The following SORBS2 variants were observed in gnomAD, a reference collection of about 807,000 sequenced individuals.
SORBS2 encodes sorbin and SH3 domain containing 2.
Under a neutral mutation model 97.7 loss-of-function variants are expected in SORBS2, and 46 were observed. The ratio of observed to expected loss-of-function variants is 0.47; its 90% CI spans 0.37 to 0.60. The LOEUF is 0.60. Ranked by LOEUF, SORBS2 falls within the 20% of genes least tolerant of loss-of-function variation. The pLI is 0.00. For missense variants in SORBS2, 1,316 were observed against 1,282.3 expected (o/e 1.03, Z -0.40); for synonymous variants, 476 against 473.4 (o/e 1.01, Z -0.07).
At chr4:185,637,435 C>T (rs2097031782) in intron 4 of SORBS2, among the ~76,000 whole-genome samples, 1 of 152,236 alleles carries the variant, frequency 6.6e-6, no homozygotes. Context: ...ACACATTTCT[C>T]AGAACCCGTC....
chr4:185,776,123 A>G (rs2098998677), intron 1 of SORBS2, among the ~76,000 whole-genome samples: 1 of 152,228 alleles, frequency 6.6e-6, no homozygotes, highest in Non-Finnish European at 1.5e-5. Context: ...TCATTCATTC[A>G]GCAAATATTT....
chr4:185,631,642 A>G (rs1423930459), intron 4 of SORBS2, among the ~76,000 whole-genome samples: 1 of 152,154 alleles, frequency 6.6e-6, no homozygotes, highest in Non-Finnish European at 1.5e-5. Flanking sequence ...CATTCCTGTT[A>G]TCCCAGCCAC....
chr4:185,819,061 T>G (rs1221411788), intron 1 of SORBS2, among the ~76,000 whole-genome samples: 1 of 152,206 alleles, frequency 6.6e-6, no homozygotes, highest in African/African-American at 2.4e-5. Context: ...ACTCAAGTTG[T>G]GTTTCAATTT....
chr4:185,814,019 T>C (rs568117883), intron 1 of SORBS2, among the ~76,000 whole-genome samples: 5 of 152,306 alleles, frequency 3.3e-5, no homozygotes, highest in Non-Finnish European at 7.4e-5. Flanking sequence ...TAGGGACTGA[T>C]GACTGGCTGG....
intron 4 of SORBS2, among the ~76,000 whole-genome samples, chr4:185,673,043 AG>A (rs1303157402): frequency 2.0e-5 from 3 of 152,250 alleles, no homozygotes; most frequent in African/African-American, 7.2e-5. Flanking sequence ...GCCTTAAAAA[AG>A]ATGGATGTCC....
intron 1 of SORBS2, among the ~76,000 whole-genome samples, chr4:185,843,115 G>A (rs1444851048): frequency 6.6e-6 from 1 of 151,996 alleles, no homozygotes; most frequent in African/African-American, 2.4e-5. Context: ...AGAAAGAACA[G>A]AGCACTGAGT....
intron 2 of SORBS2, among the ~76,000 whole-genome samples, chr4:185,753,884 C>G (rs1437132158): frequency 6.6e-6 from 1 of 152,170 alleles, no homozygotes; most frequent in Non-Finnish European, 1.5e-5. Context: ...TTGTGGAAAG[C>G]ATTTGGTGAT....
intron 1 of SORBS2, among the ~76,000 whole-genome samples, chr4:185,908,277 C>CTATATATATATATA (rs66526913): frequency 1.1e-5 from 1 of 89,574 alleles, no homozygotes; most frequent in Non-Finnish European, 2.1e-5. Context: ...CATGCAAAGG[C>CTATATATATATATA]TATATATATA....
rs573337856 is a variant in SORBS2, at chr4:185,839,636, G to T, written c.-337-64270C>A. 4.6e-5 allele frequency among the ~76,000 whole-genome samples: 7 copies of T among 152,298 alleles called. No homozygotes were observed. The South Asian group carries it at 1.5e-3, about 32-fold the overall frequency. ...TGTAATTTGTTTATAGTGCTGTAAA[G>T]AGTTGTTTTTCGATGGGACTGTCTT... is the stretch of plus-strand genomic sequence containing the variant. On this transcript the variant is annotated intron_variant, in intron 1 of 20. Transcript: ENST00000284776.
At chr4:185,773,191 A>G (rs2153626982) in intron 2 of SORBS2, 1 of 152,330 alleles carries the variant, frequency 6.6e-6, no homozygotes, top group East Asian at 1.9e-4. Flanking sequence ...ATATATTTGC[A>G]CTCAGCCCTG....
chr4:185,779,400 G>A (rs949478792), intron 1 of SORBS2, among the ~76,000 whole-genome samples: 1 of 152,162 alleles, frequency 6.6e-6, no homozygotes, highest in South Asian at 2.1e-4. Flanking sequence ...TTATATGAAT[G>A]TTGGTTAAAT....
At chr4:185,852,480 G>C (rs2099218462) in intron 1 of SORBS2, among the ~76,000 whole-genome samples, 1 of 152,172 alleles carries the variant, frequency 6.6e-6, no homozygotes, top group Non-Finnish European at 1.5e-5. Flanking sequence ...ATATTCATGG[G>C]AACATTTTAA....
chr4:185,653,571 A>G (rs2097348317), intron 1 of SORBS2, among the ~76,000 whole-genome samples: 2 of 152,212 alleles, frequency 1.3e-5, no homozygotes, highest in Non-Finnish European at 2.9e-5. Flanking sequence ...ACATAATTAT[A>G]TCTAAATCAT....
chr4:185,637,955 T>A, intron 4 of SORBS2, 124 bp downstream of exon 15: 1 of 683,744 alleles, frequency 1.5e-6, no homozygotes, highest in Non-Finnish European at 2.6e-6. Context: ...GTACCAAGTG[T>A]GTGTATACAT....
Position 185,639,055 on chromosome 4 carries a change from A to G in SORBS2, c.396+7613T>C, listed in dbSNP as rs1422832166. The G allele has an allele frequency of 6.6e-7, 1 of 1,504,366 alleles. No individual in the cohort carries two copies. The highest frequency in any genetic ancestry group is 1.4e-5 in the African/African-American group (1 of 69,294). The allele number at this position is 1,504,366 out of a possible 1,614,324, so 93.2% of individuals were successfully genotyped here. On this transcript the variant is annotated intron_variant, in intron 4 of 14. Coordinates refer to ENST00000418609, the Ensembl canonical transcript of SORBS2. The stretch of plus-strand genomic sequence containing the variant: ...AGGGGGCTGCAAGAAAGAGGGGTGC[A>G]GAAACTGGTTCATTAGATGGAGGCT...
chr4:185,868,473 A>G (rs992947660), intron 1 of SORBS2, among the ~76,000 whole-genome samples: 2 of 152,008 alleles, frequency 1.3e-5, no homozygotes, highest in Non-Finnish European at 2.9e-5. Context: ...TCTACTTTCT[A>G]AAAGACACCC....
At chr4:185,669,427 C>T (rs966258258) in intron 4 of SORBS2, among the ~76,000 whole-genome samples, 1 of 152,170 alleles carries the variant, frequency 6.6e-6, no homozygotes, top group Admixed American at 6.5e-5. Context: ...TTAGTTCGCT[C>T]ATAAGCTCAG....
chr4:185,752,339 G>A (rs906556599), intron 2 of SORBS2, among the ~76,000 whole-genome samples: 1 of 152,080 alleles, frequency 6.6e-6, no homozygotes, highest in Admixed American at 6.5e-5. Flanking sequence ...GCAGTGGCAC[G>A]ATCTTGGCTC....
chr4:185,715,855 T>C (rs2098461025), intron 2 of SORBS2, among the ~76,000 whole-genome samples: 1 of 152,234 alleles, frequency 6.6e-6, no homozygotes, highest in African/African-American at 2.4e-5. Context: ...TCTTAAGTGC[T>C]TAATAAATGT....
Sources: gnomAD v4.1 joint callset for allele counts (sites outside exome capture counted in the v4.1 genomes callset) on GRCh38, gnomAD v4.1.1 for gene constraint, MANE v1.5 for transcripts, NCBI Gene and HGNC (gene_info 2026-07-23, HGNC 2026-07-21) for gene names.